Variants in RXYLT1 observed in about 807,000 individuals in gnomAD.
RXYLT1 encodes ribitol-5-phosphate xylosyltransferase 1.
Under a neutral mutation model 43.5 loss-of-function variants are expected in RXYLT1, and 41 were observed. The observed-to-expected ratio is 0.94, with a 90% confidence interval of 0.73 to 1.22. RXYLT1 has a LOEUF of 1.22. RXYLT1 is among the 50% of genes most tolerant of loss of function. RXYLT1 has a pLI of 0.00. For synonymous variants in RXYLT1, 166 were observed against 194.4 expected (o/e 0.85, Z 1.21); for missense variants, 514 against 532.0 (o/e 0.97, Z 0.33).
intron 2 of RXYLT1, among the ~76,000 whole-genome samples, 193 bp from the exon 3 acceptor site, chr12:63,784,775 GCT>G (rs1310137305): frequency 2.0e-5 from 3 of 152,154 alleles, no homozygotes; most frequent in African/African-American, 7.2e-5. Flanking sequence ...CAGCTTCTGA[GCT>G]CTGTCTCTCA....
chr12:63,794,795 T>A (rs907013140), intron 3 of RXYLT1, among the ~76,000 whole-genome samples: 4 of 149,722 alleles, frequency 2.7e-5, no homozygotes, highest in African/African-American at 7.4e-5. Context: ...ATTTTTCATT[T>A]AAAAAAAAAA....
chr12:63,802,272 G>A lies in RXYLT1; in HGVS notation c.610G>A (p.Glu204Lys). The change falls in exon 4 of 6, where the codon GAA becomes AAA. Residue 204 changes from glutamate to lysine, a missense_variant. Transcript: ENST00000261234. ...TCTTGCTGTTGTTTTGCTCGGAAATGAACATTGTGATAATGAGTGGATAAA... is the reference window on the plus strand; with the variant it reads ...TCTTGCTGTTGTTTTGCTCGGAAATAAACATTGTGATAATGAGTGGATAAA... ...QHLAVVLLGN[E>K]HCDNEWINPF... is the part of the protein sequence containing the mutation. The A allele has an allele frequency of 6.2e-7, 1 of 1,614,104 alleles. No homozygotes were observed. Among genetic ancestry groups the A allele is most frequent in the African/African-American group, 1.3e-5 (1 of 75,054 alleles).
At chr12:63,796,538 A>C (rs1898034704) in intron 3 of RXYLT1, among the ~76,000 whole-genome samples, 1 of 152,222 alleles carries the variant, frequency 6.6e-6, no homozygotes, top group Non-Finnish European at 1.5e-5. Context: ...TAAAGAGATA[A>C]ATGCCATTCA....
chr12:63,797,082 G>C (rs1191403721), intron 3 of RXYLT1, among the ~76,000 whole-genome samples: 1 of 149,980 alleles, frequency 6.7e-6, no homozygotes, highest in Non-Finnish European at 1.5e-5. Context: ...TCCTGCCTCA[G>C]CCTCCCAAGT....
chr12:63,808,574 A>C, intron 5 of RXYLT1, 101 bp from the exon 6 acceptor site: 1 of 1,340,384 alleles, frequency 7.5e-7, no homozygotes, highest in East Asian at 2.4e-5. Context: ...ATAAAGTTTC[A>C]CCATTTCCTG....
Position 63,780,142 on chromosome 12 carries a change from C to G in RXYLT1, c.169+13C>G, listed in dbSNP as rs907884905. ...AGACGCGGCCGAGGTAGGACTGGGT[C>G]GGCGGCTTCCTTCCGGCTCTGCGCT... On this transcript the variant is annotated intron_variant, in intron 1 of 5. Transcript: ENST00000261234. The G allele has an allele frequency of 6.8e-7, 1 of 1,462,026 alleles. No homozygotes were observed. Among genetic ancestry groups the G allele is most frequent in the Non-Finnish European group, 8.9e-7 (1 of 1,120,134 alleles). 90.6% of individuals were successfully genotyped at this position (1,462,026 alleles called of 1,614,324 possible).
chr12:63,784,886 A>G, intron 2 of RXYLT1, 84 bp from the exon 3 acceptor site: 1 of 1,206,600 alleles, frequency 8.3e-7, no homozygotes, highest in Non-Finnish European at 1.2e-6. Flanking sequence ...AATGAGTAAA[A>G]GAACAGAACG....
chr12:63,809,029 A>G lies in RXYLT1; in HGVS notation c.1269A>G (p.Thr423=). 6.3e-7 allele frequency: 1 copy of G among 1,586,498 alleles called. No homozygotes were observed. The highest frequency in any genetic ancestry group is 8.5e-7 in the Non-Finnish European group (1 of 1,169,970). Residue 423 remains threonine, a synonymous_variant, in exon 6 of 6, where the codon ACA becomes ACG. Coordinates refer to ENST00000261234, the MANE Select transcript of RXYLT1 (RefSeq NM_014254.3). ...TTCAGTGGTATCAGCACTTCAAGACAGAGCTTAAAATGAAATTTACTAATA... is the reference window on the plus strand; with the variant it reads ...TTCAGTGGTATCAGCACTTCAAGACGGAGCTTAAAATGAAATTTACTAATA... ...MLLQWYQHFK[T]ELKMKFTNIL...
intron 3 of RXYLT1, among the ~76,000 whole-genome samples, chr12:63,790,929 A>T (rs1897907553): frequency 6.6e-6 from 1 of 152,218 alleles, no homozygotes; most frequent in African/African-American, 2.4e-5. Context: ...AGTATCTAAC[A>T]CACAGTAATC....
chr12:63,791,851 T>C (rs574181364), intron 3 of RXYLT1, among the ~76,000 whole-genome samples: 14 of 152,314 alleles, frequency 9.2e-5, no homozygotes, highest in African/African-American at 3.1e-4. Context: ...GTTAGGAAAC[T>C]AAGACAAAAG....
At chr12:63,793,268 A>C (rs545106232) in intron 3 of RXYLT1, among the ~76,000 whole-genome samples, 11 of 152,334 alleles carry the variant, frequency 7.2e-5, no homozygotes, top group Admixed American at 7.2e-4. Context: ...TAACTTTTGC[A>C]CATCTAATGT....
In RXYLT1 at chr12:63,781,112, T is replaced by C. The variant is rs1359223353; in HGVS notation, c.263T>C (p.Leu88Ser). The C allele has an allele frequency of 1.9e-6, 3 of 1,609,480 alleles. No homozygotes were observed. In the East Asian group the frequency reaches 6.7e-5, roughly 36 times the overall value. ...AGATTTAAAACTAGCCTTCAAATAT[T>C]AGATAAATCCACGAAAGGAAAAACA... The part of the protein sequence containing the change: ...QHRFKTSLQI[L>S]DKSTKGKTDL... The change falls in exon 2 of 6, where the codon TTA (leucine) becomes TCA (serine). Residue 88 changes from leucine (L) to serine (S), a missense_variant. Physicochemically the swap from Leu to Ser is moderately radical, Grantham distance 145. Coordinates refer to ENST00000261234, the MANE Select transcript of RXYLT1 (RefSeq NM_014254.3).
intron 4 of RXYLT1, chr12:63,803,695 AGCCT>A (rs1898217738): frequency 6.6e-6 from 1 of 152,102 alleles, no homozygotes; most frequent in Non-Finnish European, 1.5e-5. Context: ...TTTTGAGCAG[AGCCT>A]GCATTTGTAA....
chr12:63,781,930 C>G (rs773855032), intron 2 of RXYLT1, among the ~76,000 whole-genome samples: 235 of 152,284 alleles, frequency 1.5e-3, no homozygotes, highest in Admixed American at 3.3e-3. Flanking sequence ...TAAATTCGTT[C>G]ATACTTACAT....
At chr12:63,787,616 TTTG>T (rs529880336) in intron 3 of RXYLT1, among the ~76,000 whole-genome samples, 4 of 152,144 alleles carry the variant, frequency 2.6e-5, no homozygotes, top group South Asian at 4.1e-4. Context: ...AAGTATTTCT[TTTG>T]TTGTTGTTGT....
intron 3 of RXYLT1, among the ~76,000 whole-genome samples, chr12:63,786,511 T>TA (rs34686344): frequency 0.056 from 8,080 of 145,038 alleles, 495 homozygotes; most frequent in East Asian, 0.28. Flanking sequence ...GTATTATGCC[T>TA]AAAAAAAAAA....
In RXYLT1 at chr12:63,780,122, C is replaced by A. The variant is rs762148075; in HGVS notation, c.162C>A (p.Arg54=). 2.0e-6 allele frequency: 3 copies of A among 1,519,264 alleles called. No individual in the cohort carries two copies. Among genetic ancestry groups the A allele is most frequent in the East Asian group, 5.0e-5 (2 of 40,138 alleles). 94.1% of individuals were successfully genotyped at this position (1,519,264 alleles called of 1,614,324 possible). A position where few individuals can be genotyped will look rare whatever the true frequency, so the allele number is the denominator to read the frequency against. The change falls in exon 1 of 6, where the codon CGC becomes CGA. Residue 54 remains arginine (R), a synonymous_variant. Coordinates refer to ENST00000261234, the MANE Select transcript of RXYLT1 (RefSeq NM_014254.3). ...RKGAAPARER[R]GREQSTLESE... Reference sequence around the variant, plus strand: ...GGGCGGCCCCCGCGCGGGAGAGACGCGGCCGAGGTAGGACTGGGTCGGCGG... The same window carrying A: ...GGGCGGCCCCCGCGCGGGAGAGACGAGGCCGAGGTAGGACTGGGTCGGCGG...
chr12:63,802,041 T>A, intron 3 of RXYLT1, 50 bp from the exon 4 acceptor site: 1 of 1,489,800 alleles, frequency 6.7e-7, no homozygotes. Context: ...ACCACATACC[T>A]TTGTTCAGGC....
intron 1 of RXYLT1, among the ~76,000 whole-genome samples, chr12:63,780,677 G>T (rs545745099): frequency 1.9e-3 from 285 of 152,268 alleles, no homozygotes; most frequent in African/African-American, 6.6e-3. Context: ...TTGTGCATAG[G>T]TTACCTGTAT....
Sources: gnomAD v4.1 joint callset for allele counts (sites outside exome capture counted in the v4.1 genomes callset) on GRCh38, gnomAD v4.1.1 for gene constraint, MANE v1.5 for transcripts, NCBI Gene and HGNC (gene_info 2026-07-23, HGNC 2026-07-21) for gene names.